The following PXDNL variants were observed in gnomAD, a reference collection of about 807,000 sequenced individuals.
PXDNL encodes the protein peroxidasin like.
Under a neutral mutation model 150.8 loss-of-function variants are expected in PXDNL, and 145 were observed. That is an observed-to-expected ratio of 0.96 (90% confidence interval 0.84 to 1.10). PXDNL has a LOEUF of 1.10. Among genes scored for constraint, PXDNL ranks in the 50% least tolerant of loss-of-function variants. PXDNL has a pLI of 0.00. For missense variants in PXDNL, 2,087 were observed against 1,873.9 expected (o/e 1.11, Z -2.10); for synonymous variants, 757 against 725.7 (o/e 1.04, Z -0.69).
chr8:51,359,686 G>A (rs917190037), intron 19 of PXDNL, among the ~76,000 whole-genome samples: 1 of 152,116 alleles, frequency 6.6e-6, no homozygotes, highest in Non-Finnish European at 1.5e-5. Context: ...GTTTGACACT[G>A]GATTGATAAG....
intron 4 of PXDNL, among the ~76,000 whole-genome samples, chr8:51,537,343 C>T (rs1317008950): frequency 6.6e-6 from 1 of 152,214 alleles, no homozygotes; most frequent in African/African-American, 2.4e-5. Context: ...CTAATCTCCA[C>T]CTATCCTCTT....
At position 51,601,329 on chromosome 8, in the gene PXDNL, T is replaced by G. The variant is rs142395109; in HGVS notation, c.237-8631A>C. 8.7e-4 allele frequency among the ~76,000 whole-genome samples: 132 copies of G among 152,054 alleles called. No individual in the cohort carries two copies. In the South Asian group the frequency reaches 0.012, roughly 14 times the overall value. On this transcript the variant is annotated intron_variant, in intron 2 of 22. Transcript: ENST00000356297. ...AATGTTGTCGTTGGGGTGTTGAAGT[T>G]CATGAATATTACTGTGTGGCTGTCT...
At chr8:51,589,562 T>A (rs7838984) in intron 3 of PXDNL, among the ~76,000 whole-genome samples, 1 of 151,960 alleles carries the variant, frequency 6.6e-6, no homozygotes, top group African/African-American at 2.4e-5. Flanking sequence ...GAAGAACAAG[T>A]TATTGGAAGC....
chr8:51,405,968 T>C (rs1415835250), intron 17 of PXDNL, among the ~76,000 whole-genome samples: 2 of 152,102 alleles, frequency 1.3e-5, no homozygotes, highest in African/African-American at 4.8e-5. Flanking sequence ...AAGGAACAAA[T>C]AGAAAGGCTA....
At chr8:51,326,229 G>A (rs570447243) in intron 21 of PXDNL, among the ~76,000 whole-genome samples, 1 of 152,320 alleles carries the variant, frequency 6.6e-6, no homozygotes, top group Admixed American at 6.5e-5. Context: ...TGTGTGCGGT[G>A]GCTCATGCCT....
At chr8:51,632,613 A>C (rs528570009) in intron 2 of PXDNL, among the ~76,000 whole-genome samples, 125 of 152,292 alleles carry the variant, frequency 8.2e-4, no homozygotes, top group South Asian at 2.1e-3. Flanking sequence ...ATCAATCAAT[A>C]AAGTATTTAA....
At chr8:51,452,924 G>GCACCCACACAAACACATACA (rs1809837540) in intron 10 of PXDNL, among the ~76,000 whole-genome samples, 5 of 61,218 alleles carry the variant, frequency 8.2e-5, no homozygotes. Context: ...ACACACAAAC[G>GCACCCACACAAACACATACA]CACACACACA....
chr8:51,632,550 T>G (rs1814513454), intron 2 of PXDNL, among the ~76,000 whole-genome samples: 1 of 152,180 alleles, frequency 6.6e-6, no homozygotes, highest in African/African-American at 2.4e-5. Flanking sequence ...TGCAGTGAAC[T>G]ATGATTGCAT....
chr8:51,437,353 C>T (rs903521135), intron 12 of PXDNL, among the ~76,000 whole-genome samples: 12 of 152,096 alleles, frequency 7.9e-5, no homozygotes, highest in Admixed American at 2.6e-4. Flanking sequence ...CAGTATCATC[C>T]TAATACCAAA....
intron 3 of PXDNL, among the ~76,000 whole-genome samples, chr8:51,588,413 AC>A (rs1474684585): frequency 6.6e-6 from 1 of 152,208 alleles, no homozygotes; most frequent in Admixed American, 6.5e-5. Flanking sequence ...CTTTTAAATA[AC>A]ATGTCTTACA....
chr8:51,592,780 G>A (rs1813473102), intron 2 of PXDNL, 82 bp from the exon 3 acceptor site: 2 of 927,108 alleles, frequency 2.2e-6, no homozygotes, highest in South Asian at 2.1e-5. Flanking sequence ...TAAGTATAGT[G>A]CTTTACACAA....
intron 4 of PXDNL, among the ~76,000 whole-genome samples, chr8:51,511,951 A>G (rs1000404980): frequency 6.6e-6 from 1 of 152,220 alleles, no homozygotes; most frequent in Non-Finnish European, 1.5e-5. Context: ...GTTACTGGCT[A>G]AAAGACTTCA....
At chr8:51,524,999 C>A (rs1304784412) in intron 4 of PXDNL, among the ~76,000 whole-genome samples, 1 of 152,186 alleles carries the variant, frequency 6.6e-6, no homozygotes, top group Non-Finnish European at 1.5e-5. Flanking sequence ...GTGTTGAACT[C>A]TTCCTGATGA....
At chr8:51,792,222 TGAGGTATC>T (rs1434551850) in intron 1 of PXDNL, among the ~76,000 whole-genome samples, 1 of 150,546 alleles carries the variant, frequency 6.6e-6, no homozygotes, top group African/African-American at 2.5e-5. Context: ...GCACCACAAC[TGAGGTATC>T]GAGGTTCTCT....
chr8:51,411,906 T>G (rs2116349), intron 15 of PXDNL, among the ~76,000 whole-genome samples: 106,456 of 151,698 alleles, frequency 0.7, 39,136 homozygotes, highest in East Asian at 0.86. Flanking sequence ...CACTCCATCT[T>G]CTCTAGTACT....
At chr8:51,384,545 A>G (rs1807643686) in intron 17 of PXDNL, among the ~76,000 whole-genome samples, 1 of 112,212 alleles carries the variant, frequency 8.9e-6, no homozygotes, top group East Asian at 3.0e-4. Flanking sequence ...TTTTGTAAAA[A>G]TAAATTCTTC....
chr8:51,768,511 T>C lies in PXDNL; in HGVS notation c.164+40670A>G, dbSNP rs182714862. ...CAAGTTTATATATGAGTGAAACTTC[T>C]GGGAAAAAATAACTCATGAGAAAAC... On this transcript the variant is annotated intron_variant, in intron 1 of 22. Coordinates refer to ENST00000356297, the MANE Select transcript of PXDNL (RefSeq NM_144651.5). Among the ~76,000 whole-genome samples, 637 of 152,248 alleles carry C rather than the reference T, an allele frequency of 4.2e-3. 5 individuals are homozygous for C. Among genetic ancestry groups the C allele is most frequent in the African/African-American group, 0.014 (601 of 41,534 alleles).
chr8:51,369,373 T>G (rs1484413053), intron 19 of PXDNL, among the ~76,000 whole-genome samples: 1 of 152,232 alleles, frequency 6.6e-6, no homozygotes, highest in Admixed American at 6.5e-5. Context: ...GCAATGTTTC[T>G]GTTAATTGGG....
intron 17 of PXDNL, among the ~76,000 whole-genome samples, chr8:51,399,725 C>A (rs755785368): frequency 3.3e-5 from 5 of 152,118 alleles, no homozygotes; most frequent in Non-Finnish European, 7.4e-5. Context: ...GTACCACATG[C>A]CACTTTTGAT....
Sources: gnomAD v4.1 joint callset for allele counts (sites outside exome capture counted in the v4.1 genomes callset) on GRCh38, gnomAD v4.1.1 for gene constraint, MANE v1.5 for transcripts, NCBI Gene and HGNC (gene_info 2026-07-23, HGNC 2026-07-21) for gene names.